VCL: variants seen among roughly 807,000 people sequenced by gnomAD.
VCL encodes the protein epididymis luminal protein 114.
VCL carries 47 observed loss-of-function variants against 125.7 expected under a neutral mutation model. That is an observed-to-expected ratio of 0.37 (90% CI 0.30 to 0.48). VCL has a LOEUF of 0.48. Ranked by LOEUF, VCL falls within the 20% of genes least tolerant of loss-of-function variation. The pLI is 0.99. For missense variants in VCL, 1,069 were observed against 1,455.5 expected, an observed-to-expected ratio of 0.73 and a Z score of 4.32; for synonymous variants, 458 against 514.6, an observed-to-expected ratio of 0.89 and a Z score of 1.49.
At chr10:74,032,600 T>C (rs1310915679) in intron 1 of VCL, among the ~76,000 whole-genome samples, 1 of 151,654 alleles carries the variant, frequency 6.6e-6, no homozygotes, top group Non-Finnish European at 1.5e-5. Context: ...CTTGGGAGGC[T>C]GAAGCAGGAG....
chr10:74,065,588 G>A (rs559300436), intron 2 of VCL, among the ~76,000 whole-genome samples: 11 of 152,062 alleles, frequency 7.2e-5, no homozygotes, highest in African/African-American at 2.7e-4. Context: ...CTACTTGAGA[G>A]GCTGAGGTGG....
rs373584575 is a variant in VCL at position 74,114,336 on chromosome 10, G to A, written c.3102G>A (p.Lys1034=). The change falls in exon 20 of 22, where the codon AAG becomes AAA. Residue 1034 remains lysine (K), a synonymous_variant. Transcript: ENST00000211998. ...CAGATGAGGTGACTCGGTTGGCCAA[G>A]GAGGTTGCCAAGCAGTGCACAGATA... The part of the protein sequence containing the change: ...KASDEVTRLA[K]EVAKQCTDKR... The A allele has an allele frequency of 1.2e-5, 19 of 1,613,896 alleles. No homozygotes were observed. In the African/African-American group the frequency reaches 2.3e-4, roughly 19 times the overall value.
Position 74,089,248 on chromosome 10 carries a change from G to T in VCL, c.1075G>T (p.Gly359Cys), listed in dbSNP as rs1243756584. ...AMQKAQQVSQ[G>C]LDVLTAKVEN... ...GCAGAAAGCTCAGCAGGTATCTCAG[G>T]GTCTGGATGTGCTCACAGCAAAAGT... Residue 359 changes from glycine to cysteine, a missense_variant, in exon 9 of 22, where the codon GGT (glycine) becomes TGT (cysteine). Around this residue, in one of 6 missense-constraint regions of VCL, gnomAD observed 760 missense variants for 928.9 expected, o/e 0.82. Transcript: ENST00000211998. 6.2e-7 allele frequency: 1 copy of T among 1,614,120 alleles called. No individual in the cohort carries two copies. Among genetic ancestry groups the T allele is most frequent in the Non-Finnish European group, 8.5e-7 (1 of 1,180,030 alleles).
In VCL at chr10:74,102,352, T is replaced by C. The variant is rs150141575; in HGVS notation, c.2022+1255T>C. Among the ~76,000 whole-genome samples the C allele has an allele frequency of 7.5e-3, 1,134 of 152,140 alleles. 8 individuals are homozygous for C. Among genetic ancestry groups the C allele is most frequent in the Non-Finnish European group, 0.011 (780 of 67,994 alleles). On this transcript the variant is annotated intron_variant, in intron 14 of 21. Transcript: ENST00000211998. ...GGAAGATTGGGAAAAAAAACCAAAC[T>C]GTACAGTTATTAAAAGTTTACTATG...
intron 1 of VCL, among the ~76,000 whole-genome samples, chr10:74,005,739 G>C (rs932908912): frequency 6.6e-6 from 1 of 152,062 alleles, no homozygotes; most frequent in African/African-American, 2.4e-5. Context: ...CATGGTATTT[G>C]CATATAACCT....
Position 74,071,047 on chromosome 10 carries a change from G to A in VCL, c.463G>A (p.Glu155Lys). 1 of 1,614,192 alleles carries A rather than the reference G, an allele frequency of 6.2e-7. No individual in the cohort carries two copies. Among genetic ancestry groups the A allele is most frequent in the Non-Finnish European group, 8.5e-7 (1 of 1,180,020 alleles). ...AGTGGCAGAGGTGGTGGAGACTATG[G>A]AAGATTTGGTCACTTACACAAAGAA... The part of the protein sequence containing the change: ...LTVAEVVETM[E>K]DLVTYTKNLG... Residue 155 changes from glutamate (E) to lysine (K), a missense_variant, in exon 4 of 22, where the codon GAA becomes AAA. Physicochemically the swap from Glu to Lys is moderately conservative, Grantham distance 56. This residue lies in a region of VCL where 760 missense variants were observed against 928.9 expected (regional missense o/e 0.82). Transcript: ENST00000211998. The surrounding 1 kb of genome is among the most constrained non-coding windows in gnomAD (Gnocchi z 4.1).
intron 1 of VCL, among the ~76,000 whole-genome samples, chr10:74,030,721 G>A (rs975494345): frequency 6.6e-6 from 1 of 152,188 alleles, no homozygotes; most frequent in Non-Finnish European, 1.5e-5. Context: ...CCAAATTGCT[G>A]CCAGACCTTC....
At position 74,107,275 on chromosome 10, in the gene VCL, C is replaced by T. The variant is rs2131931375; in HGVS notation, c.2480C>T (p.Ala827Val). The change falls in exon 17 of 22, where the codon GCT (alanine) becomes GTT (valine). Residue 827 changes from alanine (A) to valine (V), a missense_variant. Ala to Val is a moderately conservative substitution (Grantham distance 64). Around this residue, in one of 6 missense-constraint regions of VCL, gnomAD observed 760 missense variants for 928.9 expected, o/e 0.82. Coordinates refer to ENST00000211998, the MANE Select transcript of VCL (RefSeq NM_014000.3). Reference protein sequence around the residue: ...FLDSGYRILGAVAKVREAFQP... With the variant: ...FLDSGYRILGVVAKVREAFQP... Reference sequence around the variant, plus strand: ...GACTCAGGATATCGGATCCTGGGAGCTGTGGCCAAGGTCAGAGAAGCCTTC... The same window carrying T: ...GACTCAGGATATCGGATCCTGGGAGTTGTGGCCAAGGTCAGAGAAGCCTTC... The T allele has an allele frequency of 6.2e-7, 1 of 1,614,194 alleles. No homozygotes were observed. Among genetic ancestry groups the T allele is most frequent in the Non-Finnish European group, 8.5e-7 (1 of 1,180,026 alleles).
At chr10:74,102,383 G>C (rs1840074869) in intron 14 of VCL, among the ~76,000 whole-genome samples, 1 of 151,978 alleles carries the variant, frequency 6.6e-6, no homozygotes, top group Admixed American at 6.5e-5. Context: ...CTATGTGATA[G>C]GTTTTCTTAA....
intron 11 of VCL, 78 bp from the exon 12 acceptor site, chr10:74,095,578 G>T (rs1170853763): frequency 1.3e-6 from 2 of 1,585,552 alleles, no homozygotes; most frequent in Non-Finnish European, 1.7e-6. Context: ...AGAGCAAGAC[G>T]CCACATCGCA....
intron 2 of VCL, among the ~76,000 whole-genome samples, chr10:74,044,736 T>C (rs1049695801): frequency 6.6e-6 from 1 of 152,228 alleles, no homozygotes; most frequent in African/African-American, 2.4e-5. Context: ...GCATTGTTCA[T>C]GATGACCCCA....
At position 74,012,851 on chromosome 10, in the gene VCL, A is replaced by T. The variant is rs191907513; in HGVS notation, c.168+14476A>T. ...ACTTGGATAATTTCTACTAATTCTC[A>T]GTTTTCATAGTAAATGTCCATTTTT... On this transcript the variant is annotated intron_variant, in intron 1 of 21. Transcript: ENST00000211998. Among the ~76,000 whole-genome samples, 3 of 152,210 alleles carry T rather than the reference A, an allele frequency of 2.0e-5. No homozygotes were observed. The East Asian group carries it at 5.8e-4, about 29-fold the overall frequency.
Position 74,095,646 on chromosome 10 carries a change from C to G in VCL, c.1544-10C>G. The stretch of plus-strand genomic sequence containing the variant: ...GTCTTGTAAGTTTCATTGTTTTTCT[C>G]TTGGTCCAGGTCAGGCTGCCATCCG... On this transcript the variant is annotated splice_polypyrimidine_tract_variant and intron_variant, in intron 11 of 21. Coordinates refer to ENST00000211998, the MANE Select transcript of VCL (RefSeq NM_014000.3). 6.2e-7 allele frequency: 1 copy of G among 1,613,542 alleles called. No homozygotes were observed. The highest frequency in any genetic ancestry group is 2.2e-5 in the East Asian group (1 of 44,886).
At position 74,074,606 on chromosome 10, in the gene VCL, C is replaced by T. The variant is rs999103796; in HGVS notation, c.623-137C>T. On this transcript the variant is annotated intron_variant, in intron 5 of 21. Transcript: ENST00000211998. ...TTAATGTTGGAACTTTATTGTCAAA[C>T]TTGTAGTGTTTGTTTTGTATACTCA... 4.2e-6 allele frequency: 4 copies of T among 952,420 alleles called. No individual in the cohort carries two copies. In the African/African-American group the frequency reaches 6.6e-5, roughly 16 times the overall value. 59.0% of individuals were successfully genotyped at this position (952,420 alleles called of 1,614,324 possible).
chr10:74,039,075 C>A (rs1004654573), intron 1 of VCL, among the ~76,000 whole-genome samples: 12 of 152,102 alleles, frequency 7.9e-5, no homozygotes, highest in African/African-American at 2.4e-4. Context: ...CCACGCCCAG[C>A]TAATTTTTGT....
At position 74,017,046 on chromosome 10, in the gene VCL, C is replaced by CTTTTTTTTTTTTTTTTT. The variant is rs549275362; in HGVS notation, c.168+18674_168+18690dup. On this transcript the variant is annotated intron_variant, in intron 1 of 21. Transcript: ENST00000211998. ...TGTAGCATATGTCAGAATTTCCTTC[C>CTTTTTTTTTTTTTTTTT]TTTTTTTTTTTTTTTTTTTGAGACG... Among the ~76,000 whole-genome samples, 3 of 113,148 alleles carry CTTTTTTTTTTTTTTTTT rather than the reference C, an allele frequency of 2.7e-5. 1 individual carries two copies. The highest frequency in any genetic ancestry group is 5.1e-5 in the Non-Finnish European group (3 of 58,898). The allele number at this position is 113,148 out of a possible 152,430, so 74.2% of individuals were successfully genotyped here. A position where few individuals can be genotyped will look rare whatever the true frequency, so the allele number is the denominator to read the frequency against.
At chr10:74,024,106 T>C (rs1172485312) in intron 1 of VCL, among the ~76,000 whole-genome samples, 1 of 152,202 alleles carries the variant, frequency 6.6e-6, no homozygotes, top group Non-Finnish European at 1.5e-5. Context: ...ACATGAATAT[T>C]ATAAAACTTA....
chr10:74,067,674 G>C (rs1044393681), intron 2 of VCL, among the ~76,000 whole-genome samples: 2 of 152,168 alleles, frequency 1.3e-5, no homozygotes, highest in African/African-American at 4.8e-5. Context: ...CATAAAAAAA[G>C]AATGAAGTAT....
chr10:74,095,550 C>A, intron 11 of VCL, 106 bp from the exon 12 acceptor site: 1 of 1,426,942 alleles, frequency 7.0e-7, no homozygotes, highest in Non-Finnish European at 9.7e-7. Flanking sequence ...TGTTCCACTG[C>A]ACTCCAGCTT....
Sources: gnomAD v4.1 joint callset for allele counts (sites outside exome capture counted in the v4.1 genomes callset) on GRCh38, gnomAD v4.1.1 for gene constraint, gnomAD v4.1.1 regional missense constraint, Gnocchi (gnomAD v3.1) non-coding constraint, MANE v1.5 for transcripts, NCBI Gene and HGNC (gene_info 2026-07-23, HGNC 2026-07-21) for gene names.